Variants in USF1 observed in about 807,000 individuals in gnomAD.
The protein encoded by USF1 is upstream stimulatory factor 1.
Under a neutral mutation model 46.3 loss-of-function variants are expected in USF1, and 22 were observed. That is an observed-to-expected ratio of 0.47 (90% CI 0.34 to 0.68). The LOEUF (loss-of-function observed/expected upper bound fraction) is 0.68. Among genes scored for constraint, USF1 ranks in the 30% least tolerant of loss-of-function variants. The pLI, the probability that USF1 is intolerant of heterozygous loss-of-function variation, is 0.01. For synonymous variants in USF1, 150 were observed against 147.0 expected, an observed-to-expected ratio of 1.02 and a Z score of -0.15; for missense variants, 287 against 399.3, an observed-to-expected ratio of 0.72 and a Z score of 2.40.
In USF1 at chr1:161,040,467, G is replaced by A; in HGVS notation, c.714+109C>T. The A allele has an allele frequency of 6.4e-7, 1 of 1,555,878 alleles. No homozygotes were observed. The highest frequency in any genetic ancestry group is 8.7e-7 in the Non-Finnish European group (1 of 1,146,084). On this transcript the variant is annotated intron_variant, in intron 9 of 10. Coordinates refer to ENST00000368021, the MANE Select transcript of USF1 (RefSeq NM_007122.5). The surrounding 1 kb of genome is among the most constrained non-coding windows in gnomAD (Gnocchi z 4.0). The stretch of plus-strand genomic sequence containing the variant: ...ATCTCCCAGGGATACAGGAACCTCA[G>A]GGAGAGATAAGACTACTGTCATGTG...
intron 1 of USF1, among the ~76,000 whole-genome samples, chr1:161,044,554 T>C (rs543695217): frequency 2.6e-5 from 4 of 152,336 alleles, no homozygotes; most frequent in Non-Finnish European, 5.9e-5. Flanking sequence ...TATAATCTGT[T>C]AGAAACCCTA....
At position 161,040,544 on chromosome 1, in the gene USF1, C is replaced by T; in HGVS notation, c.714+32G>A. 2 of 1,599,832 alleles carry T rather than the reference C, an allele frequency of 1.3e-6. No homozygotes were observed. Among genetic ancestry groups the T allele is most frequent in the South Asian group, 2.2e-5 (2 of 90,468 alleles). On this transcript the variant is annotated intron_variant, in intron 9 of 10. Coordinates refer to ENST00000368021, the MANE Select transcript of USF1 (RefSeq NM_007122.5). This position sits in a 1 kb window ranked among gnomAD's most constrained non-coding sequence, Gnocchi z 4.0. ...ACAATACCAGGAGGCAGAATTCAGG[C>T]ATCCTGCCCACTACCAGGGTCTTTC...
At position 161,040,535 on chromosome 1, in the gene USF1, G is replaced by A; in HGVS notation, c.714+41C>T. 6.3e-7 allele frequency: 1 copy of A among 1,599,468 alleles called. No homozygotes were observed. Among genetic ancestry groups the A allele is most frequent in the South Asian group, 1.1e-5 (1 of 90,462 alleles). On this transcript the variant is annotated intron_variant, in intron 9 of 10. Coordinates refer to ENST00000368021, the MANE Select transcript of USF1 (RefSeq NM_007122.5). The surrounding 1 kb of genome is among the most constrained non-coding windows in gnomAD (Gnocchi z 4.0). ...TTTCTGGAAACAATACCAGGAGGCA[G>A]AATTCAGGCATCCTGCCCACTACCA...
At chr1:161,041,083 G>A (rs1229449722) in intron 7 of USF1, among the ~76,000 whole-genome samples, 4 of 151,852 alleles carry the variant, frequency 2.6e-5, no homozygotes, top group Admixed American at 2.0e-4. Context: ...CCAACATGGT[G>A]AAACCCTGTC....
In USF1 at chr1:161,042,682, G is replaced by C. The variant is rs1222705007; in HGVS notation, c.59-12C>G. 1 of 1,614,104 alleles carries C rather than the reference G, an allele frequency of 6.2e-7. No individual in the cohort carries two copies. The highest frequency in any genetic ancestry group is 1.3e-5 in the African/African-American group (1 of 75,060). ...AGTAGCCACTGCACCTGAATTAAAA[G>C]AACAAAGGAAAAGTCTGTGAGTTAA... is the stretch of plus-strand genomic sequence containing the variant. On this transcript the variant is annotated splice_polypyrimidine_tract_variant and intron_variant, in intron 3 of 10. Transcript: ENST00000368021.
Position 161,041,581 on chromosome 1 carries a change from C to A in USF1, c.472+70G>T. The A allele has an allele frequency of 1.9e-6, 3 of 1,549,288 alleles. No individual in the cohort carries two copies. The South Asian group carries it at 3.6e-5, about 19-fold the overall frequency. On this transcript the variant is annotated intron_variant, in intron 6 of 10. Transcript: ENST00000368021. ...TCACTAAGAGTCATGAGTGAAGGCT[C>A]ACTGCCTACCAGTCATGTCCCACAG...
intron 1 of USF1, among the ~76,000 whole-genome samples, chr1:161,044,043 A>G (rs1480428070): frequency 6.7e-6 from 1 of 149,520 alleles, no homozygotes; most frequent in African/African-American, 2.5e-5. Flanking sequence ...CCTGGGTTCA[A>G]GTGATTCTCC....
chr1:161,042,096 C>T lies in USF1; in HGVS notation c.276+20G>A. 6.2e-7 allele frequency: 1 copy of T among 1,602,326 alleles called. No homozygotes were observed. Among genetic ancestry groups the T allele is most frequent in the Non-Finnish European group, 8.5e-7 (1 of 1,173,050 alleles). ...TTACTTCTCAGAACTCTAGTGACCT[C>T]CCCAGCCCATACCCTGTACCTGGGT... On this transcript the variant is annotated intron_variant, in intron 5 of 10. Coordinates refer to ENST00000368021, the MANE Select transcript of USF1 (RefSeq NM_007122.5).
chr1:161,042,122 C>A lies in USF1; in HGVS notation c.270G>T (p.Met90Ile). The change falls in exon 5 of 11, where the codon ATG becomes ATT. Residue 90 changes from methionine (M) to isoleucine (I), a missense_variant. Physicochemically the swap from Met to Ile is conservative, Grantham distance 10 (BLOSUM62 1). Coordinates refer to ENST00000368021, the MANE Select transcript of USF1 (RefSeq NM_007122.5). ...AISGYPATQSMTQAVIQGAFT... is the reference protein window; with the variant it reads ...AISGYPATQSITQAVIQGAFT... Reference sequence around the variant, plus strand: ...CCCAGCCCATACCCTGTACCTGGGTCATGGATTGAGTGGCAGGGTAGCCAC... The same window carrying A: ...CCCAGCCCATACCCTGTACCTGGGTAATGGATTGAGTGGCAGGGTAGCCAC... 6.2e-7 allele frequency: 1 copy of A among 1,613,328 alleles called. No individual in the cohort carries two copies. Among genetic ancestry groups the A allele is most frequent in the South Asian group, 1.1e-5 (1 of 90,984 alleles).
In USF1 at chr1:161,040,020, AAGGAGGC is replaced by A. The variant is rs763452014; in HGVS notation, c.844-18_844-12del. The A allele has an allele frequency of 1.2e-5, 19 of 1,614,062 alleles. No individual in the cohort carries two copies. Among genetic ancestry groups the A allele is most frequent in the Admixed American group, 8.3e-5 (5 of 60,002 alleles). ...TTTAAGATCTTCCACCTGACATGGGAAGGAGGCAGTAAAGGGAATGGGTAGTAAAGCT... is the reference window on the plus strand; with the variant it reads ...TTTAAGATCTTCCACCTGACATGGGAAGTAAAGGGAATGGGTAGTAAAGCT... On this transcript the variant is annotated splice_polypyrimidine_tract_variant and intron_variant, in intron 10 of 10. Coordinates refer to ENST00000368021, the MANE Select transcript of USF1 (RefSeq NM_007122.5). The surrounding 1 kb of genome is among the most constrained non-coding windows in gnomAD (Gnocchi z 4.0).
chr1:161,042,512 C>G (rs1209707851), intron 4 of USF1, 43 bp downstream of exon 4: 1 of 1,606,502 alleles, frequency 6.2e-7, no homozygotes, highest in Non-Finnish European at 8.5e-7. Flanking sequence ...CCCTCAATCC[C>G]AACCCCAGAT....
Position 161,042,590 on chromosome 1 carries a change from CGTT to C in USF1, c.136_138del (p.Asn46del). The C allele has an allele frequency of 6.2e-7, 1 of 1,614,222 alleles. No individual in the cohort carries two copies. Among genetic ancestry groups the C allele is most frequent in the African/African-American group, 1.3e-5 (1 of 75,052 alleles). On this transcript the variant is annotated inframe_deletion, in exon 4 of 11. Transcript: ENST00000368021. Reference sequence around the variant, plus strand: ...TTCTCAGTTCGGAAGACGTACTTGACGTTGGGGTCAGGGAAGGTGGCAGCTGAC... The same window carrying C: ...TTCTCAGTTCGGAAGACGTACTTGACGGGGTCAGGGAAGGTGGCAGCTGAC...
intron 1 of USF1, among the ~76,000 whole-genome samples, chr1:161,045,290 C>T (rs866281032): frequency 5.3e-5 from 8 of 152,150 alleles, no homozygotes; most frequent in South Asian, 2.1e-4. Context: ...CATTAGGGAT[C>T]GGTGACACGG....
Position 161,040,243 on chromosome 1 carries a change from G to A in USF1, c.802C>T (p.Leu268Phe). 6.2e-7 allele frequency: 1 copy of A among 1,614,200 alleles called. No homozygotes were observed. The highest frequency in any genetic ancestry group is 8.5e-7 in the Non-Finnish European group (1 of 1,180,036). Reference protein sequence around the residue: ...NHRLSEELQGLDQLQLDNDVL... With the variant: ...NHRLSEELQGFDQLQLDNDVL... ...TCATTGTCCAGCTGCAGTTGGTCAAGTCCCTGCAGTTCTTCAGACAAGCGG... is the reference window on the plus strand; with the variant it reads ...TCATTGTCCAGCTGCAGTTGGTCAAATCCCTGCAGTTCTTCAGACAAGCGG... The change falls in exon 10 of 11, where the codon CTT (leucine) becomes TTT (phenylalanine). Residue 268 changes from leucine to phenylalanine, a missense_variant. Physicochemically the swap from Leu to Phe is conservative, Grantham distance 22. Coordinates refer to ENST00000368021, the MANE Select transcript of USF1 (RefSeq NM_007122.5). The surrounding 1 kb of genome is among the most constrained non-coding windows in gnomAD (Gnocchi z 4.0).
chr1:161,041,867 A>G, intron 5 of USF1, 21 bp from the exon 6 acceptor site: 17 of 1,602,432 alleles, frequency 1.1e-5, no homozygotes, highest in Non-Finnish European at 1.4e-5. Flanking sequence ...GAGCAAGAAA[A>G]CTGATTCTGG....
At chr1:161,043,020 A>G in intron 2 of USF1, 138 bp from the exon 3 acceptor site, 1 of 1,299,034 alleles carries the variant, frequency 7.7e-7, no homozygotes, top group South Asian at 1.2e-5. Flanking sequence ...ACTAGTGTTT[A>G]CTGTTTACTA....
rs1014153204 is a variant in USF1, at chr1:161,039,808, T to C, written c.*112A>G. On this transcript the variant is annotated 3_prime_UTR_variant, in exon 11 of 11. Coordinates refer to ENST00000368021, the MANE Select transcript of USF1 (RefSeq NM_007122.5). ...CAGTTCAAGGACACACCTTCTGAACTTCCCCCTGTCCCATGCCAGAAGTGG... is the reference window on the plus strand; with the variant it reads ...CAGTTCAAGGACACACCTTCTGAACCTCCCCCTGTCCCATGCCAGAAGTGG... 3 of 1,122,840 alleles carry C rather than the reference T, an allele frequency of 2.7e-6. No individual in the cohort carries two copies. The highest frequency in any genetic ancestry group is 3.1e-5 in the African/African-American group (2 of 64,650). The allele number at this position is 1,122,840 out of a possible 1,614,324, so 69.6% of individuals were successfully genotyped here. A position where few individuals can be genotyped will look rare whatever the true frequency, so the allele number is the denominator to read the frequency against.
At position 161,042,173 on chromosome 1, in the gene USF1, G is replaced by T. The variant is rs1232731111; in HGVS notation, c.219C>A (p.Gly73=). ...TGATGGCGCCAGTTCCCTCAGTTTGGCCATCCAGCTGCCCCTCAGACACCT... is the reference window on the plus strand; with the variant it reads ...TGATGGCGCCAGTTCCCTCAGTTTGTCCATCCAGCTGCCCCTCAGACACCT... ...VIQVSEGQLD[G]QTEGTGAISG... is the part of the protein sequence containing the mutation. Residue 73 remains glycine, a synonymous_variant, in exon 5 of 11, where the codon GGC becomes GGA. Transcript: ENST00000368021. 2 of 1,613,936 alleles carry T rather than the reference G, an allele frequency of 1.2e-6. No homozygotes were observed. The highest frequency in any genetic ancestry group is 2.2e-5 in the South Asian group (2 of 91,058).
chr1:161,042,003 G>A (rs374059305), intron 5 of USF1, 113 bp downstream of exon 5: 48 of 1,355,110 alleles, frequency 3.5e-5, no homozygotes, highest in Middle Eastern at 1.9e-4. Context: ...AGTGCTTTGG[G>A]ACAAGGCAGC....
Sources: gnomAD v4.1 joint callset for allele counts (sites outside exome capture counted in the v4.1 genomes callset) on GRCh38, gnomAD v4.1.1 for gene constraint, Gnocchi (gnomAD v3.1) non-coding constraint, MANE v1.5 for transcripts, NCBI Gene and HGNC (gene_info 2026-07-23, HGNC 2026-07-21) for gene names.